UBAP1: variants seen among roughly 807,000 people sequenced by gnomAD.
The protein encoded by UBAP1 is ubiquitin-associated protein 1.
Under a neutral mutation model 39.0 loss-of-function variants are expected in UBAP1, and 5 were observed. The observed-to-expected ratio is 0.13, with a 90% confidence interval of 0.07 to 0.27. UBAP1 has a LOEUF of 0.27. Among genes scored for constraint, UBAP1 ranks in the 10% least tolerant of loss-of-function variants. The pLI, the probability that UBAP1 is intolerant of heterozygous loss-of-function variation, is 1.00. For synonymous variants in UBAP1, 211 were observed against 225.1 expected, an observed-to-expected ratio of 0.94 and a Z score of 0.56; for missense variants, 490 against 608.1, an observed-to-expected ratio of 0.81 and a Z score of 2.04.
chr9:34,251,347 T>TGACCCCACCC (rs763959118), intron 6 of UBAP1, 45 bp from the exon 7 acceptor site: 1 of 1,607,004 alleles, frequency 6.2e-7, no homozygotes, highest in Admixed American at 1.7e-5. Context: ...AGCTGTGCTG[T>TGACCCCACCC]GACCCCACCC....
At chr9:34,242,373 C>T (rs2131622839) in intron 4 of UBAP1, among the ~76,000 whole-genome samples, 1 of 152,238 alleles carries the variant, frequency 6.6e-6, no homozygotes, top group South Asian at 2.1e-4. Context: ...GTCTCAAACT[C>T]CTGACTTCAA....
chr9:34,187,289 A>G (rs1356483913), intron 1 of UBAP1, among the ~76,000 whole-genome samples: 1 of 152,154 alleles, frequency 6.6e-6, no homozygotes, highest in East Asian at 1.9e-4. Context: ...TAGTATACCT[A>G]TCTATAATGT....
At chr9:34,234,623 G>GA (rs964055804) in intron 3 of UBAP1, among the ~76,000 whole-genome samples, 8 of 148,628 alleles carry the variant, frequency 5.4e-5, no homozygotes, top group Non-Finnish European at 7.5e-5. Context: ...TCTACTAGGG[G>GA]AAAAAAAAAT....
chr9:34,224,304 G>C (rs1832929872), intron 2 of UBAP1: 5 of 450,710 alleles, frequency 1.1e-5, no homozygotes, highest in Middle Eastern at 3.5e-4. Flanking sequence ...CTGTCGATGA[G>C]TATGGTGTGC....
intron 1 of UBAP1, among the ~76,000 whole-genome samples, chr9:34,219,131 T>G (rs1387434155): frequency 6.6e-6 from 1 of 152,048 alleles, no homozygotes; most frequent in Non-Finnish European, 1.5e-5. Context: ...CTGTGTCGCC[T>G]AGGCTGGAGT....
At chr9:34,247,373 C>G (rs1039246799) in intron 4 of UBAP1, among the ~76,000 whole-genome samples, 2 of 152,134 alleles carry the variant, frequency 1.3e-5, no homozygotes, top group African/African-American at 4.8e-5. Context: ...TCCCGTGCAT[C>G]TTTAAAAAAT....
At chr9:34,227,888 A>T (rs1381552079) in intron 2 of UBAP1, among the ~76,000 whole-genome samples, 1 of 152,184 alleles carries the variant, frequency 6.6e-6, no homozygotes, top group Non-Finnish European at 1.5e-5. Context: ...CCACTTTGGG[A>T]GGCTGAGGTG....
At position 34,189,590 on chromosome 9, in the gene UBAP1, C is replaced by T. The variant is rs573440498; in HGVS notation, c.-8+10350C>T. On this transcript the variant is annotated intron_variant, in intron 1 of 6. Transcript: ENST00000297661. ...GCCAAATTAAAAATCACTGCTGGAG[C>T]AGACTTTAGGGGTAGTTTGTGAACT... 3.3e-5 allele frequency among the ~76,000 whole-genome samples: 5 copies of T among 152,220 alleles called. No individual in the cohort carries two copies. The East Asian group carries it at 9.7e-4, about 29-fold the overall frequency.
At chr9:34,235,437 C>T (rs546329109) in intron 3 of UBAP1, among the ~76,000 whole-genome samples, 1 of 151,932 alleles carries the variant, frequency 6.6e-6, no homozygotes, top group Non-Finnish European at 1.5e-5. Flanking sequence ...CTCCTGGGTT[C>T]ACACCATTCT....
intron 2 of UBAP1, among the ~76,000 whole-genome samples, chr9:34,231,144 T>C (rs1290622132): frequency 1.4e-5 from 1 of 69,084 alleles, no homozygotes; most frequent in Non-Finnish European, 3.6e-5. Context: ...TGTGTGTGTG[T>C]GTGTGTGTGT....
intron 1 of UBAP1, among the ~76,000 whole-genome samples, chr9:34,188,258 C>T (rs1002649434): frequency 2.0e-5 from 3 of 151,962 alleles, no homozygotes; most frequent in Non-Finnish European, 4.4e-5. Context: ...AAGGCATACT[C>T]TTAGATCATT....
chr9:34,203,187 A>T (rs1187942317), intron 1 of UBAP1, among the ~76,000 whole-genome samples: 1 of 152,156 alleles, frequency 6.6e-6, no homozygotes, highest in East Asian at 1.9e-4. Flanking sequence ...GTACATTCCT[A>T]TAGTCCCAGA....
chr9:34,235,303 ATATATG>A (rs935745602), intron 3 of UBAP1, among the ~76,000 whole-genome samples: 2 of 118,448 alleles, frequency 1.7e-5, no homozygotes, highest in Admixed American at 9.6e-5. Context: ...ATGTGTATAT[ATATATG>A]TGTGTGTGTG....
chr9:34,181,116 C>CTTTCTTTCTTTTTTTTTTTTTTT (rs1193356334), intron 1 of UBAP1, among the ~76,000 whole-genome samples: 1 of 72,238 alleles, frequency 1.4e-5, no homozygotes, highest in Non-Finnish European at 2.5e-5. Flanking sequence ...GGCCTGTTTT[C>CTTTCTTTCTTTTTTTTTTTTTTT]TTTTTTTTTT....
At chr9:34,244,425 T>A (rs2131627245) in intron 4 of UBAP1, among the ~76,000 whole-genome samples, 1 of 121,400 alleles carries the variant, frequency 8.2e-6, no homozygotes, top group South Asian at 3.1e-4. Flanking sequence ...AGCACCACAT[T>A]TTTTTAATCC....
At chr9:34,202,260 T>G (rs1403172316) in intron 1 of UBAP1, among the ~76,000 whole-genome samples, 1 of 151,930 alleles carries the variant, frequency 6.6e-6, no homozygotes, top group Admixed American at 6.6e-5. Context: ...CACCTCCGAG[T>G]AGCTGGGATT....
chr9:34,212,103 A>G, intron 1 of UBAP1: 1 of 281,182 alleles, frequency 3.6e-6, no homozygotes, highest in South Asian at 3.1e-5. Context: ...ATAGAAGCAT[A>G]TACTTATTTT....
rs551621600 is a variant in UBAP1 at position 34,240,140 on chromosome 9, A to T, written c.160-1045A>T. Reference sequence around the variant, plus strand: ...CAGTTAGAAGAGCAGAGTCATTGCCACTGCTCTTTTCTCATTGTTCCATTA... The same window carrying T: ...CAGTTAGAAGAGCAGAGTCATTGCCTCTGCTCTTTTCTCATTGTTCCATTA... On this transcript the variant is annotated intron_variant, in intron 3 of 6. Transcript: ENST00000297661. 3.3e-5 allele frequency among the ~76,000 whole-genome samples: 5 copies of T among 152,314 alleles called. No individual in the cohort carries two copies. In the East Asian group the frequency reaches 9.6e-4, roughly 29 times the overall value.
intron 1 of UBAP1, among the ~76,000 whole-genome samples, chr9:34,187,209 G>A (rs1830454349): frequency 6.6e-6 from 1 of 152,072 alleles, no homozygotes; most frequent in Admixed American, 6.6e-5. Flanking sequence ...CGCCCGGCTG[G>A]TTTGTGCTTG....
Sources: allele counts gnomAD v4.1 joint callset (sites outside exome capture counted in the v4.1 genomes callset), GRCh38; gene constraint gnomAD v4.1.1; transcripts MANE v1.5; gene names NCBI Gene and HGNC (gene_info 2026-07-23, HGNC 2026-07-21).